The following OSBPL9 variants were observed in gnomAD, a reference collection of about 807,000 sequenced individuals.
OSBPL9 encodes oxysterol binding protein like 9, also known as oxysterol-binding protein-related protein 9.
OSBPL9 carries 40 observed loss-of-function variants against 106.6 expected under a neutral mutation model. The observed-to-expected ratio is 0.38, with a 90% confidence interval of 0.29 to 0.49. The LOEUF (loss-of-function observed/expected upper bound fraction) is 0.49. OSBPL9 is among the 20% of genes least tolerant of loss of function. OSBPL9 has a pLI of 0.97. For missense variants in OSBPL9, 609 were observed against 887.2 expected (o/e 0.69, Z 3.98); for synonymous variants, 269 against 295.4 (o/e 0.91, Z 0.92).
At chr1:51,601,704 C>T (rs1645325742) in intron 2 of OSBPL9, among the ~76,000 whole-genome samples, 1 of 152,234 alleles carries the variant, frequency 6.6e-6, no homozygotes, top group South Asian at 2.1e-4. Context: ...GTAAGCTCAG[C>T]TCAAATACTT....
chr1:51,546,249 G>A, the OSBPL9 span, among the ~76,000 whole-genome samples: 8 of 151,994 alleles, frequency 5.3e-5, no homozygotes, highest in African/African-American at 9.7e-5. Context: ...ATTCCTGAGC[G>A]CAAGCGATCT....
chr1:51,738,403 G>C (rs1433095475), intron 4 of OSBPL9, among the ~76,000 whole-genome samples: 3 of 151,988 alleles, frequency 2.0e-5, no homozygotes, highest in African/African-American at 7.2e-5. Context: ...TAAATTTAAA[G>C]ATAAACGCAA....
rs147190891 is a variant in OSBPL9 at position 51,699,199 on chromosome 1, A to G, written c.242-14804A>G. 7.7e-4 allele frequency among the ~76,000 whole-genome samples: 118 copies of G among 152,296 alleles called. 1 individual carries two copies. The highest frequency in any genetic ancestry group is 3.4e-3 in the Middle Eastern group (1 of 294). ...AACACTAGAAAGAAGTAGCAAAGCT[A>G]CATGTATACATTAGTCCTGCTCCTG... On this transcript the variant is annotated intron_variant, in intron 3 of 23. Transcript: ENST00000428468.
intron 12 of OSBPL9, 132 bp from the exon 13 acceptor site, chr1:51,771,936 CAA>C: frequency 7.9e-6 from 5 of 632,068 alleles, no homozygotes; most frequent in Admixed American, 3.1e-5. Flanking sequence ...AAGGATAAGA[CAA>C]GAGACCTTGT....
intron 12 of OSBPL9, among the ~76,000 whole-genome samples, chr1:51,768,776 C>T (rs771743853): frequency 6.6e-6 from 1 of 152,212 alleles, no homozygotes; most frequent in Non-Finnish European, 1.5e-5. Flanking sequence ...TGCACAGGCT[C>T]ATGGGCTTCT....
In OSBPL9 at chr1:51,729,927, G is replaced by GC. The variant is rs1381162774; in HGVS notation, c.319-15604dup. The GC allele has an allele frequency of 2.3e-6, 3 of 1,303,634 alleles. No individual in the cohort carries two copies. Among genetic ancestry groups the GC allele is most frequent in the South Asian group, 6.7e-5 (2 of 29,970 alleles). 80.8% of individuals were successfully genotyped at this position (1,303,634 alleles called of 1,614,324 possible). On this transcript the variant is annotated intron_variant, in intron 4 of 23. Transcript: ENST00000428468. The surrounding 1 kb of genome is among the most constrained non-coding windows in gnomAD (Gnocchi z 5.1). ...GAAGAAAAAGGGGTGCTCGGGAGCA[G>GC]CCCCCGGCTACCTCCCCTGGAGGCA...
rs1438464111 is a variant in OSBPL9, at chr1:51,781,335, A to G, written c.1428A>G (p.Thr476=). The G allele has an allele frequency of 3.1e-6, 5 of 1,613,548 alleles. No individual in the cohort carries two copies. In the South Asian group the frequency reaches 3.3e-5, roughly 11 times the overall value. The change falls in exon 16 of 24, where the codon ACA becomes ACG. Residue 476 remains threonine, a splice_region_variant and synonymous_variant. Transcript: ENST00000428468. ...TACCAAATGATACTGAAGAGAACAC[A>G]GTGAGTTCTGCATTGACATTTTTAA... ...WTLPNDTEEN[T]ELVSEGPVPW...
chr1:51,578,685 T>A (rs189243663), intron 1 of OSBPL9, among the ~76,000 whole-genome samples: 1 of 152,302 alleles, frequency 6.6e-6, no homozygotes, highest in Admixed American at 6.5e-5. Flanking sequence ...CAAGAAACGC[T>A]TATTGAGCAT....
chr1:51,716,199 G>A (rs1661015702), intron 4 of OSBPL9, among the ~76,000 whole-genome samples: 1 of 152,192 alleles, frequency 6.6e-6, no homozygotes. Flanking sequence ...TACATTTAAT[G>A]CATGGAGAAG....
chr1:51,585,763 G>A (rs562794748), intron 1 of OSBPL9, among the ~76,000 whole-genome samples: 28 of 151,856 alleles, frequency 1.8e-4, no homozygotes, highest in African/African-American at 6.8e-4. Flanking sequence ...GCAACAGAGC[G>A]AGACTCCATC....
At chr1:51,667,061 G>A (rs1348115063) in intron 2 of OSBPL9, among the ~76,000 whole-genome samples, 1 of 152,196 alleles carries the variant, frequency 6.6e-6, no homozygotes, top group Non-Finnish European at 1.5e-5. Context: ...ACAGCCTGTG[G>A]TAATGGAACA....
the OSBPL9 span, among the ~76,000 whole-genome samples, chr1:51,528,266 T>C: frequency 2.0e-5 from 3 of 152,048 alleles, no homozygotes; most frequent in East Asian, 5.8e-4. Context: ...CTTGTATATA[T>C]AGAAAATCCT....
the OSBPL9 span, among the ~76,000 whole-genome samples, chr1:51,534,616 G>A: frequency 1.3e-3 from 204 of 152,304 alleles, no homozygotes; most frequent in African/African-American, 4.8e-3. Context: ...TCCTCCCAGG[G>A]AGAGGAAGCC....
In OSBPL9 at chr1:51,706,699, A is replaced by T. The variant is rs537512255; in HGVS notation, c.242-7304A>T. On this transcript the variant is annotated intron_variant, in intron 3 of 23. Transcript: ENST00000428468. Reference sequence around the variant, plus strand: ...AATATATATATGAATTTATATATATATATATGCATTTAAGGCTACAAATTT... The same window carrying T: ...AATATATATATGAATTTATATATATTTATATGCATTTAAGGCTACAAATTT... 4.7e-4 allele frequency among the ~76,000 whole-genome samples: 71 copies of T among 149,974 alleles called. 3 individuals are homozygous for T. The South Asian group carries it at 0.012, about 25-fold the overall frequency.
Position 51,617,154 on chromosome 1 carries a change from T to G in OSBPL9, c.44T>G (p.Val15Gly). Residue 15 changes from valine to glycine, a missense_variant, in exon 1 of 24, where the codon GTG (valine) becomes GGG (glycine). By Grantham distance (109) the Val-to-Gly change is moderately radical. Coordinates refer to ENST00000428468, the MANE Select transcript of OSBPL9 (RefSeq NM_024586.6). ...GGGCCGCTGAGCAAATGGACTAACG[T>G]GATGAAGGGCTGGCAGTACCGTTGG... Reference protein sequence around the residue: ...MEGPLSKWTNVMKGWQYRWFV... With the variant: ...MEGPLSKWTNGMKGWQYRWFV... 1.2e-6 allele frequency: 2 copies of G among 1,613,646 alleles called. No individual in the cohort carries two copies. Among genetic ancestry groups the G allele is most frequent in the Non-Finnish European group, 8.5e-7 (1 of 1,179,884 alleles).
Position 51,581,908 on chromosome 1 carries a change from C to G in OSBPL9, c.-423+4652C>G, listed in dbSNP as rs1039980073. ...CCATCATTGTGATTTTTGAACACTT[C>G]CTTACTTTCTAGAACTATACGACGC... On this transcript the variant is annotated intron_variant, in intron 1 of 25. Coordinates refer to the OSBPL9 transcript ENST00000371714. 1.2e-4 allele frequency among the ~76,000 whole-genome samples: 18 copies of G among 152,214 alleles called. 1 individual carries two copies. The highest frequency in any genetic ancestry group is 4.1e-4 in the South Asian group (2 of 4,820).
At chr1:51,558,051 C>A in the OSBPL9 span, among the ~76,000 whole-genome samples, 1 of 152,116 alleles carries the variant, frequency 6.6e-6, no homozygotes, top group Non-Finnish European at 1.5e-5. Flanking sequence ...GAGGCCAAGG[C>A]GGGCAGATCA....
chr1:51,555,670 T>A, the OSBPL9 span, among the ~76,000 whole-genome samples: 9 of 152,014 alleles, frequency 5.9e-5, no homozygotes, highest in Non-Finnish European at 1.2e-4. Context: ...TTGGTTCAAG[T>A]GATTCTCCTG....
At chr1:51,763,298 G>A (rs71653010) in intron 11 of OSBPL9, among the ~76,000 whole-genome samples, 16 of 152,214 alleles carry the variant, frequency 1.1e-4, no homozygotes, top group Admixed American at 2.6e-4. Flanking sequence ...GAGCCACCGC[G>A]CCCAGCCTGC....
Sources: allele counts gnomAD v4.1 joint callset (sites outside exome capture counted in the v4.1 genomes callset), GRCh38; gene constraint gnomAD v4.1.1; non-coding constraint Gnocchi (gnomAD v3.1); transcripts MANE v1.5; gene names NCBI Gene and HGNC (gene_info 2026-07-23, HGNC 2026-07-21).